XPA: variants seen among roughly 807,000 people sequenced by gnomAD.
The protein encoded by XPA is XPA, DNA damage recognition and repair factor.
XPA carries 27 observed loss-of-function variants against 35.7 expected under a neutral mutation model. The observed-to-expected ratio is 0.76, with a 90% CI of 0.56 to 1.04. The LOEUF (loss-of-function observed/expected upper bound fraction) is 1.04, where lower values mean the gene tolerates loss of function less well. XPA is among the 50% of genes least tolerant of loss of function. The pLI is 0.00. For synonymous variants in XPA, 133 were observed against 118.4 expected (o/e 1.12, Z -0.80); for missense variants, 354 against 342.7 (o/e 1.03, Z -0.26).
At chr9:97,654,754 T>G in the XPA span, 8 of 838,602 alleles carry the variant, frequency 9.5e-6, no homozygotes, top group Middle Eastern at 2.2e-3. Flanking sequence ...CAAGATTGAT[T>G]GTGTGAAAAG....
the XPA span, chr9:97,664,287 ATATGTGTGTG>A: frequency 6.4e-5 from 74 of 1,157,360 alleles, 1 homozygote; most frequent in South Asian, 8.5e-4. Context: ...TGGCACATAT[ATATGTGTGTG>A]TATGTGTGTG....
At position 97,697,302 on chromosome 9, in the gene XPA, A is replaced by G. The variant is rs575481697; in HGVS notation, c.-10T>C. On this transcript the variant is annotated 5_prime_UTR_variant, in exon 1 of 6. Coordinates refer to ENST00000375128, the MANE Select transcript of XPA (RefSeq NM_000380.4). ...CGTCGGCCGCCGCCATCTCTGGCCC[A>G]CTCCGAGGACCTAGCTCCCAGCTCC... 60 of 1,597,298 alleles carry G rather than the reference A, an allele frequency of 3.8e-5. No individual in the cohort carries two copies. In the Admixed American group the frequency reaches 8.3e-4, roughly 22 times the overall value.
the XPA span, among the ~76,000 whole-genome samples, chr9:97,657,052 G>A: frequency 3.9e-5 from 6 of 152,022 alleles, no homozygotes; most frequent in Non-Finnish European, 8.8e-5. Flanking sequence ...CACTGCAAGC[G>A]CCACCTCCGG....
the XPA span, among the ~76,000 whole-genome samples, chr9:97,667,508 A>G: frequency 1.3e-5 from 2 of 152,182 alleles, no homozygotes; most frequent in Admixed American, 1.3e-4. Flanking sequence ...ATATATGGAT[A>G]TAAACACTCA....
chr9:97,664,557 G>A, the XPA span: 1 of 647,654 alleles, frequency 1.5e-6, no homozygotes, highest in Non-Finnish European at 2.6e-6. Context: ...ATATACTAAT[G>A]GTCCAATCTG....
the XPA span, among the ~76,000 whole-genome samples, chr9:97,663,969 A>C: frequency 6.6e-6 from 1 of 151,758 alleles, no homozygotes; most frequent in African/African-American, 2.4e-5. Flanking sequence ...ACTTGAAGCC[A>C]GGAGTTCGAG....
At chr9:97,688,278 G>A (rs909388776) in intron 3 of XPA, among the ~76,000 whole-genome samples, 1 of 152,024 alleles carries the variant, frequency 6.6e-6, no homozygotes, top group African/African-American at 2.4e-5. Context: ...TCCTGAACAC[G>A]ACCCCCTCCT....
Position 97,674,917 on chromosome 9 carries a change from G to A in XPA, c.*522C>T, listed in dbSNP as rs764697774. The stretch of plus-strand genomic sequence containing the variant: ...GAGTACAGAAAACATGATCAGACTC[G>A]TACAACTCAATGTTTATTTCTGCTA... On this transcript the variant is annotated 3_prime_UTR_variant, in exon 6 of 6. Coordinates refer to ENST00000375128, the MANE Select transcript of XPA (RefSeq NM_000380.4). The A allele has an allele frequency of 2.1e-4, 105 of 508,108 alleles. No homozygotes were observed. The Admixed American group carries it at 2.3e-3, about 11-fold the overall frequency. 31.5% of individuals were successfully genotyped at this position (508,108 alleles called of 1,614,324 possible).
chr9:97,686,820 C>G (rs1019224199), intron 4 of XPA, among the ~76,000 whole-genome samples: 6 of 152,066 alleles, frequency 3.9e-5, no homozygotes, highest in Non-Finnish European at 7.4e-5. Flanking sequence ...GAAGGATTAC[C>G]TGAGCCCGGG....
chr9:97,658,860 G>A, the XPA span: 9 of 757,594 alleles, frequency 1.2e-5, no homozygotes, highest in Non-Finnish European at 2.0e-5. Context: ...TATATTTCCT[G>A]TATTTGAAAG....
chr9:97,669,079 T>A, the XPA span: 4 of 1,280,042 alleles, frequency 3.1e-6, no homozygotes, highest in Non-Finnish European at 4.2e-6. Flanking sequence ...CACATTCATT[T>A]ATAGAAGAGA....
rs760018840 is a variant in XPA at position 97,687,188 on chromosome 9, A to T, written c.463T>A (p.Leu155Ile). 2 of 1,612,254 alleles carry T rather than the reference A, an allele frequency of 1.2e-6. No homozygotes were observed. The highest frequency in any genetic ancestry group is 8.5e-7 in the Non-Finnish European group (1 of 1,179,458). ...KQEYLLKDCD[L>I]EKREPPLKFI... Reference sequence around the variant, plus strand: ...TTAAGAGGTGGCTCTCTTTTTTCTAAATCACAGTCTTTCAGAAGATATTCT... The same window carrying T: ...TTAAGAGGTGGCTCTCTTTTTTCTATATCACAGTCTTTCAGAAGATATTCT... Residue 155 changes from leucine to isoleucine, a missense_variant, in exon 4 of 6, where the codon TTA becomes ATA. By Grantham distance (5) the Leu-to-Ile change is conservative (BLOSUM62 2). Transcript: ENST00000375128.
intron 5 of XPA, among the ~76,000 whole-genome samples, chr9:97,681,617 T>G (rs1828542702): frequency 1.3e-5 from 2 of 152,174 alleles, no homozygotes; most frequent in Admixed American, 1.3e-4. Flanking sequence ...ACTAAAGAAA[T>G]GCCTTATCTC....
chr9:97,685,754 T>C (rs1442610078), intron 4 of XPA, among the ~76,000 whole-genome samples: 1 of 152,166 alleles, frequency 6.6e-6, no homozygotes, highest in Admixed American at 6.5e-5. Flanking sequence ...TTCTGAGACA[T>C]CACGTTTTCC....
chr9:97,690,471 T>C (rs1007392590), intron 2 of XPA, among the ~76,000 whole-genome samples: 5 of 152,200 alleles, frequency 3.3e-5, no homozygotes, highest in Non-Finnish European at 5.9e-5. Flanking sequence ...CACTGCAACC[T>C]TCACCTCCTG....
chr9:97,659,914 T>C, the XPA span, among the ~76,000 whole-genome samples: 604 of 152,326 alleles, frequency 4.0e-3, 2 homozygotes, highest in Non-Finnish European at 6.4e-3. Flanking sequence ...CCATGTACTT[T>C]TTTATTTTTT....
the XPA span, among the ~76,000 whole-genome samples, chr9:97,661,331 G>A: frequency 6.6e-6 from 1 of 152,164 alleles, no homozygotes; most frequent in South Asian, 2.1e-4. Context: ...TTTAACCCCT[G>A]CTTTCACCAT....
chr9:97,661,288 A>C, the XPA span, among the ~76,000 whole-genome samples: 1 of 152,218 alleles, frequency 6.6e-6, no homozygotes, highest in African/African-American at 2.4e-5. Flanking sequence ...TTCATCGTAA[A>C]TACAAAGTGA....
chr9:97,677,994 T>G (rs1272907079), intron 5 of XPA, among the ~76,000 whole-genome samples: 3 of 152,132 alleles, frequency 2.0e-5, no homozygotes, highest in Non-Finnish European at 4.4e-5. Flanking sequence ...AACCATGAAA[T>G]TTTAAAACTG....
Sources: allele counts gnomAD v4.1 joint callset (sites outside exome capture counted in the v4.1 genomes callset), GRCh38; gene constraint gnomAD v4.1.1; transcripts MANE v1.5; gene names NCBI Gene and HGNC (gene_info 2026-07-23, HGNC 2026-07-21).